Variants in BMPR1A observed in about 807,000 individuals in gnomAD.
BMPR1A encodes bone morphogenetic protein receptor type 1A.
Under a neutral mutation model 66.0 loss-of-function variants are expected in BMPR1A, and 7 were observed. The observed-to-expected ratio is 0.11, with a 90% confidence interval of 0.06 to 0.20. The LOEUF is 0.20. Among genes scored for constraint, BMPR1A ranks in the 10% least tolerant of loss-of-function variants. The pLI, the probability that BMPR1A is intolerant of heterozygous loss-of-function variation, is 1.00. For synonymous variants in BMPR1A, 200 were observed against 229.7 expected, an observed-to-expected ratio of 0.87 and a Z score of 1.17; for missense variants, 408 against 669.1, an observed-to-expected ratio of 0.61 and a Z score of 4.31.
Position 86,926,892 on chromosome 10 carries a change from A to G in BMPR1A, c.*3173A>G, listed in dbSNP as rs1324135536. 2 of 194,048 alleles carry G rather than the reference A, an allele frequency of 1.0e-5. No individual in the cohort carries two copies. Among genetic ancestry groups the G allele is most frequent in the South Asian group, 1.9e-4 (1 of 5,182 alleles). The allele number at this position is 194,048 out of a possible 1,614,324, so 12.0% of individuals were successfully genotyped here. A position where few individuals can be genotyped will look rare whatever the true frequency, so the allele number is the denominator to read the frequency against. On this transcript the variant is annotated 3_prime_UTR_variant, in exon 13 of 13. Coordinates refer to ENST00000372037, the MANE Select transcript of BMPR1A (RefSeq NM_004329.3). ...TGCTGGCAAATAGCTCTAGGATTAA[A>G]GGCACATTAGGGTTTCCTTCAGTTT...
intron 1 of BMPR1A, among the ~76,000 whole-genome samples, chr10:86,770,465 G>A (rs1841238488): frequency 6.6e-6 from 1 of 152,146 alleles, no homozygotes; most frequent in South Asian, 2.1e-4. Flanking sequence ...TCTTCAGGTG[G>A]GCTGAGAGCC....
intron 1 of BMPR1A, among the ~76,000 whole-genome samples, chr10:86,769,291 T>A (rs1017759830): frequency 2.0e-5 from 3 of 152,344 alleles, no homozygotes; most frequent in Middle Eastern, 6.8e-3. Context: ...ACTCTGTAGT[T>A]CTACCTACTA....
chr10:86,760,900 G>C (rs578121415), intron 1 of BMPR1A, among the ~76,000 whole-genome samples: 1 of 152,184 alleles, frequency 6.6e-6, no homozygotes, highest in East Asian at 1.9e-4. Context: ...ATTGAGTTAT[G>C]TCCATTGTAA....
intron 1 of BMPR1A, among the ~76,000 whole-genome samples, chr10:86,766,564 T>G (rs1841165512): frequency 6.6e-6 from 1 of 151,552 alleles, no homozygotes; most frequent in African/African-American, 2.4e-5. Context: ...CCATTCATAT[T>G]CCAGCCAACA....
At chr10:86,802,443 A>G (rs1195461924) in intron 1 of BMPR1A, among the ~76,000 whole-genome samples, 1 of 152,232 alleles carries the variant, frequency 6.6e-6, no homozygotes, top group Admixed American at 6.5e-5. Context: ...TTTTGCCTCT[A>G]TACTGCACAT....
intron 5 of BMPR1A, among the ~76,000 whole-genome samples, chr10:86,898,615 C>T (rs1470390650): frequency 6.6e-6 from 1 of 152,216 alleles, no homozygotes; most frequent in Non-Finnish European, 1.5e-5. Context: ...TTATCATCCA[C>T]TGTCATGTCA....
intron 1 of BMPR1A, among the ~76,000 whole-genome samples, chr10:86,822,752 C>T (rs1297460310): frequency 6.6e-6 from 1 of 152,078 alleles, no homozygotes; most frequent in African/African-American, 2.4e-5. Context: ...TTCTTTGCCT[C>T]AGCCTCCCAA....
intron 2 of BMPR1A, among the ~76,000 whole-genome samples, chr10:86,844,937 C>T (rs1842465063): frequency 6.6e-6 from 1 of 152,114 alleles, no homozygotes; most frequent in Non-Finnish European, 1.5e-5. Context: ...CCACCACGCT[C>T]AGCTAATTTT....
chr10:86,892,862 CAAAAAA>C (rs575847316), intron 5 of BMPR1A, among the ~76,000 whole-genome samples: 16 of 94,046 alleles, frequency 1.7e-4, no homozygotes, highest in Non-Finnish European at 2.3e-5. Flanking sequence ...GACCCTGTCT[CAAAAAA>C]AAAAAAAAAA....
chr10:86,932,177 C>T (rs1204295544), downstream of BMPR1A: 1 of 152,202 alleles, frequency 6.6e-6, no homozygotes, highest in Non-Finnish European at 1.5e-5. Flanking sequence ...ATCGTGTATG[C>T]ACACATTTTT....
chr10:86,770,090 A>C (rs1841229285), intron 1 of BMPR1A, among the ~76,000 whole-genome samples: 1 of 152,146 alleles, frequency 6.6e-6, no homozygotes, highest in African/African-American at 2.4e-5. Context: ...CAGGAGTTCG[A>C]GATCAGCCTG....
At chr10:86,809,000 T>G (rs752628119) in intron 1 of BMPR1A, among the ~76,000 whole-genome samples, 7 of 152,196 alleles carry the variant, frequency 4.6e-5, no homozygotes, top group Non-Finnish European at 8.8e-5. Flanking sequence ...CAAAAGAACT[T>G]GAACTCATAT....
chr10:86,863,268 G>C (rs1395135259), intron 2 of BMPR1A, among the ~76,000 whole-genome samples: 2 of 152,188 alleles, frequency 1.3e-5, no homozygotes, highest in African/African-American at 4.8e-5. Context: ...GAGAGCCACT[G>C]TGCGGGCCTT....
intron 1 of BMPR1A, among the ~76,000 whole-genome samples, chr10:86,828,649 T>G (rs187371009): frequency 6.6e-6 from 1 of 152,334 alleles, no homozygotes; most frequent in Non-Finnish European, 1.5e-5. Context: ...AATCACTCTC[T>G]GATAATTCCT....
At chr10:86,783,107 A>G (rs1243692065) in intron 1 of BMPR1A, among the ~76,000 whole-genome samples, 2 of 152,190 alleles carry the variant, frequency 1.3e-5, no homozygotes, top group Non-Finnish European at 2.9e-5. Context: ...TTTTTCCAGC[A>G]CTATTTGTTG....
intron 8 of BMPR1A, 118 bp from the exon 9 acceptor site, chr10:86,917,016 G>A (rs1477224135): frequency 1.8e-6 from 2 of 1,130,482 alleles, no homozygotes; most frequent in African/African-American, 3.1e-5. Flanking sequence ...TACATTATAA[G>A]TTTTTAACTG....
chr10:86,875,883 G>A lies in BMPR1A; in HGVS notation c.-136G>A, dbSNP rs1297295421. The A allele has an allele frequency of 1.2e-5, 9 of 766,650 alleles. 1 individual carries two copies. The Middle Eastern group carries it at 1.1e-3, about 91-fold the overall frequency. 47.5% of individuals were successfully genotyped at this position (766,650 alleles called of 1,614,324 possible). ...GTCTTTCAGGAGTCGTAAGAAAGCA[G>A]TGGGAGTTGAAGTCATTGTCAAGTG... is the stretch of plus-strand genomic sequence containing the variant. On this transcript the variant is annotated 5_prime_UTR_variant, in exon 3 of 13. In the 5' UTR this introduces an upstream ATG that the reference lacks. Coordinates refer to ENST00000372037, the MANE Select transcript of BMPR1A (RefSeq NM_004329.3).
chr10:86,927,442 G>A lies in BMPR1A; in HGVS notation c.*3723G>A, dbSNP rs981017993. 4.0e-5 allele frequency: 8 copies of A among 199,106 alleles called. No individual in the cohort carries two copies. Among genetic ancestry groups the A allele is most frequent in the South Asian group, 1.9e-4 (1 of 5,232 alleles). 12.3% of individuals were successfully genotyped at this position (199,106 alleles called of 1,614,324 possible). On this transcript the variant is annotated 3_prime_UTR_variant, in exon 13 of 13. Coordinates refer to ENST00000372037, the MANE Select transcript of BMPR1A (RefSeq NM_004329.3). ...TGTTAAAATAGCAGTGCCACAGCTC[G>A]TCTCTTGCCTTAGTGTGCTGCTGTG...
chr10:86,883,609 A>G (rs1486990701), intron 3 of BMPR1A, among the ~76,000 whole-genome samples: 1 of 148,122 alleles, frequency 6.8e-6, no homozygotes, highest in Non-Finnish European at 1.5e-5. Context: ...CGTCTCTACT[A>G]AAAATACAAA....
Sources: allele counts gnomAD v4.1 joint callset (sites outside exome capture counted in the v4.1 genomes callset), GRCh38; gene constraint gnomAD v4.1.1; transcripts MANE v1.5; gene names NCBI Gene and HGNC (gene_info 2026-07-23, HGNC 2026-07-21).